The following BRWD3 variants were observed in gnomAD, a reference collection of about 807,000 sequenced individuals.
BRWD3 encodes bromodomain and WD repeat-containing protein 3.
Under a neutral mutation model 149.7 loss-of-function variants are expected in BRWD3, and 10 were observed. That is an observed-to-expected ratio of 0.07 (90% CI 0.04 to 0.11). BRWD3 has a LOEUF of 0.11. BRWD3 is among the 10% of genes least tolerant of loss of function. The pLI, the probability that BRWD3 is intolerant of heterozygous loss-of-function variation, is 1.00. For missense variants in BRWD3, 940 were observed against 1,373.2 expected (o/e 0.68, Z 4.99); for synonymous variants, 504 against 456.7 (o/e 1.10, Z -1.32).
chrX:80,702,287 T>C (rs1272228314), intron 24 of BRWD3, among the ~76,000 whole-genome samples: 1 of 112,434 alleles, frequency 8.9e-6, no homozygotes, highest in Non-Finnish European at 1.9e-5. Context: ...TCTTGAAGCA[T>C]ATAAGGATGT....
In BRWD3 at chrX:80,692,997, C is replaced by A. The variant is rs763124144; in HGVS notation, c.3206G>T (p.Ser1069Ile). ...ATACTCTGGTTGAAAAGGCTGCTGACTCTCCACAGTCCCAAACCACCAGGC... is the reference window on the plus strand; with the variant it reads ...ATACTCTGGTTGAAAAGGCTGCTGAATCTCCACAGTCCCAAACCACCAGGC... ...DDAWWFGTVESQQPFQPEYPD... is the reference protein window; with the variant it reads ...DDAWWFGTVEIQQPFQPEYPD... The change falls in exon 28 of 41, where the codon AGT becomes ATT. Residue 1069 changes from serine to isoleucine, a missense_variant. Physicochemically the swap from Ser to Ile is moderately radical, Grantham distance 142 (BLOSUM62 -2). Around this residue, in one of 6 missense-constraint regions of BRWD3, gnomAD observed 158 missense variants for 284.0 expected, o/e 0.56. Coordinates refer to ENST00000373275, the MANE Select transcript of BRWD3 (RefSeq NM_153252.5). 8.3e-7 allele frequency: 1 copy of A among 1,211,539 alleles called. No homozygotes were observed. Among genetic ancestry groups the A allele is most frequent in the Middle Eastern group, 2.3e-4 (1 of 4,353 alleles).
intron 20 of BRWD3, 32 bp downstream of exon 20, chrX:80,716,123 AGT>A: frequency 1.9e-6 from 2 of 1,077,541 alleles, no homozygotes; most frequent in East Asian, 6.0e-5. Flanking sequence ...ATCTGCAAAT[AGT>A]GTATCCCAAA....
At chrX:80,784,964 T>C (rs990845969) in intron 6 of BRWD3, among the ~76,000 whole-genome samples, 2 of 112,110 alleles carry the variant, frequency 1.8e-5, no homozygotes, top group African/African-American at 6.5e-5. Flanking sequence ...ATCATCACAG[T>C]CTTCCACCAT....
At chrX:80,736,910 T>C (rs143707694) in intron 8 of BRWD3, among the ~76,000 whole-genome samples, 2,986 of 111,772 alleles carry the variant, frequency 0.027, 109 homozygotes, top group African/African-American at 0.092. Context: ...AGTGAGTTTT[T>C]AAAATCCCAA....
intron 27 of BRWD3, 52 bp from the exon 28 acceptor site, chrX:80,693,103 T>A (rs1195727103): frequency 1.0e-6 from 1 of 961,910 alleles, no homozygotes. Flanking sequence ...ATTAGCTCTG[T>A]TCCCACTCTA....
chrX:80,677,959 C>A (rs904150688), intron 40 of BRWD3, among the ~76,000 whole-genome samples: 10 of 109,583 alleles, frequency 9.1e-5, no homozygotes, highest in Non-Finnish European at 1.9e-4. Flanking sequence ...AAAGAACATT[C>A]CAGAGGAGGG....
At chrX:80,754,960 A>G (rs2073719987) in intron 6 of BRWD3, among the ~76,000 whole-genome samples, 1 of 111,520 alleles carries the variant, frequency 9.0e-6, no homozygotes, top group African/African-American at 3.3e-5. Context: ...GTAAGCCGAG[A>G]TGGCGCCACT....
In BRWD3 at chrX:80,686,923, G is replaced by A. The variant is rs747186226; in HGVS notation, c.3945C>T (p.Leu1315=). The part of the protein sequence containing the change: ...WKKQCKELLS[L]IYEREDSEPF... ...GCTCCGAGTCTTCACGTTCATAAAT[G>A]AGGCTCAATAGTTCCTTGCATTGTT... is the stretch of plus-strand genomic sequence containing the variant. Residue 1315 remains leucine (L), a synonymous_variant, in exon 35 of 41, where the codon CTC becomes CTT. Coordinates refer to ENST00000373275, the MANE Select transcript of BRWD3 (RefSeq NM_153252.5). 2.5e-6 allele frequency: 3 copies of A among 1,207,456 alleles called. No homozygotes were observed. The highest frequency in any genetic ancestry group is 3.5e-5 in the South Asian group (2 of 56,723).
intron 4 of BRWD3, among the ~76,000 whole-genome samples, chrX:80,794,196 A>C (rs1378859922): frequency 9.0e-6 from 1 of 111,415 alleles, no homozygotes; most frequent in Non-Finnish European, 1.9e-5. Flanking sequence ...AAATAAAAAA[A>C]ATAAAAATAA....
intron 20 of BRWD3, among the ~76,000 whole-genome samples, chrX:80,713,303 G>A (rs2073019573): frequency 8.9e-6 from 1 of 112,169 alleles, no homozygotes; most frequent in Admixed American, 9.3e-5. Flanking sequence ...TGTCTGTGTA[G>A]AAAGAAGTAG....
At chrX:80,786,469 T>TGG (rs1184909897) in intron 6 of BRWD3, among the ~76,000 whole-genome samples, 3 of 110,676 alleles carry the variant, frequency 2.7e-5, no homozygotes, top group Non-Finnish European at 5.7e-5. Flanking sequence ...TTTCACCCTA[T>TGG]GATCAGGTAC....
chrX:80,729,078 G>A (rs1288493579), intron 13 of BRWD3, among the ~76,000 whole-genome samples, 173 bp from the exon 14 acceptor site: 1 of 111,050 alleles, frequency 9.0e-6, no homozygotes, highest in East Asian at 2.8e-4. Context: ...TCTGCATAGG[G>A]CAATACCCAT....
chrX:80,722,281 C>G (rs1020021472), intron 17 of BRWD3, among the ~76,000 whole-genome samples: 4 of 112,103 alleles, frequency 3.6e-5, no homozygotes, highest in African/African-American at 9.7e-5. Context: ...CTATAGAAAA[C>G]AACAGCTTCA....
At chrX:80,775,820 T>A (rs1339403482) in intron 6 of BRWD3, among the ~76,000 whole-genome samples, 1 of 112,139 alleles carries the variant, frequency 8.9e-6, no homozygotes, top group African/African-American at 3.2e-5. Flanking sequence ...GCATCTGTGA[T>A]CCAATACCAT....
chrX:80,680,394 T>C (rs1206133753), intron 40 of BRWD3, among the ~76,000 whole-genome samples: 1 of 112,131 alleles, frequency 8.9e-6, no homozygotes, highest in African/African-American at 3.2e-5. Flanking sequence ...TAATAAAAAG[T>C]AAAATAGCAT....
intron 6 of BRWD3, among the ~76,000 whole-genome samples, chrX:80,754,223 T>C (rs1362289743): frequency 8.9e-6 from 1 of 111,961 alleles, no homozygotes; most frequent in Non-Finnish European, 1.9e-5. Flanking sequence ...TGTAGAGATC[T>C]TTCACCTCCT....
In BRWD3 at chrX:80,703,472, A is replaced by G; in HGVS notation, c.2835+8T>C. 1 of 1,161,733 alleles carries G rather than the reference A, an allele frequency of 8.6e-7. No homozygotes were observed. The highest frequency in any genetic ancestry group is 1.2e-6 in the Non-Finnish European group (1 of 854,952). Reference sequence around the variant, plus strand: ...CCACAGAAAAAGGTTATAACAGGTAATAATTACCTCATCTCCCATTTGTGG... The same window carrying G: ...CCACAGAAAAAGGTTATAACAGGTAGTAATTACCTCATCTCCCATTTGTGG... On this transcript the variant is annotated splice_region_variant and intron_variant, in intron 24 of 40. Coordinates refer to ENST00000373275, the MANE Select transcript of BRWD3 (RefSeq NM_153252.5).
rs1477713953 is a variant in BRWD3, at chrX:80,700,022, C to T, written c.2878G>A (p.Val960Ile). ...ACACTGTATATTTTCGATTTCCTTACAGCCCGAACATAAGCTTCATGTCCT... is the reference window on the plus strand; with the variant it reads ...ACACTGTATATTTTCGATTTCCTTATAGCCCGAACATAAGCTTCATGTCCT... The part of the protein sequence containing the change: ...RQGHEAYVRA[V>I]RKSKIYSVNL... The change falls in exon 25 of 41, where the codon GTA (valine) becomes ATA (isoleucine). Residue 960 changes from valine (V) to isoleucine (I), a missense_variant. Coordinates refer to ENST00000373275, the MANE Select transcript of BRWD3 (RefSeq NM_153252.5). The T allele has an allele frequency of 2.5e-6, 3 of 1,210,056 alleles. No individual in the cohort carries two copies. The highest frequency in any genetic ancestry group is 3.4e-6 in the Non-Finnish European group (3 of 894,563).
At chrX:80,747,143 C>T (rs1269524076) in intron 6 of BRWD3, among the ~76,000 whole-genome samples, 1 of 110,048 alleles carries the variant, frequency 9.1e-6, no homozygotes, top group Non-Finnish European at 1.9e-5. Flanking sequence ...TCTTCCTTCT[C>T]CAGTGAAACA....
Sources: allele counts gnomAD v4.1 joint callset (sites outside exome capture counted in the v4.1 genomes callset), GRCh38; gene constraint gnomAD v4.1.1; regional missense constraint gnomAD v4.1.1; transcripts MANE v1.5; gene names NCBI Gene and HGNC (gene_info 2026-07-23, HGNC 2026-07-21).